ZNF407: variants seen among roughly 807,000 people sequenced by gnomAD.
The protein encoded by ZNF407 is zinc finger protein 407.
ZNF407 carries 17 observed loss-of-function variants against 131.2 expected under a neutral mutation model. The ratio of observed to expected loss-of-function variants is 0.13; its 90% CI spans 0.09 to 0.19. The LOEUF is 0.19. Ranked by LOEUF, ZNF407 falls within the 10% of genes least tolerant of loss-of-function variation. The pLI is 1.00. For missense variants in ZNF407, 2,681 were observed against 2,830.6 expected, an observed-to-expected ratio of 0.95 and a Z score of 1.20; for synonymous variants, 1,156 against 1,062.0, an observed-to-expected ratio of 1.09 and a Z score of -1.72.
chr18:74,602,007 G>C (rs1024744894), intron 1 of ZNF407, among the ~76,000 whole-genome samples: 1 of 152,130 alleles, frequency 6.6e-6, no homozygotes, highest in East Asian at 1.9e-4. Context: ...CACTAGTGAG[G>C]GATCCACATC....
chr18:74,755,776 TCTCTC>T (rs1568199918), intron 3 of ZNF407, among the ~76,000 whole-genome samples: 118 of 142,320 alleles, frequency 8.3e-4, no homozygotes, highest in Middle Eastern at 3.5e-3. Flanking sequence ...TTTCTTTCTC[TCTCTC>T]TCTTTCCTTC....
chr18:74,653,736 A>G (rs570794359), intron 3 of ZNF407, among the ~76,000 whole-genome samples: 1 of 151,986 alleles, frequency 6.6e-6, no homozygotes, highest in Admixed American at 6.5e-5. Flanking sequence ...ATGCTTATAC[A>G]TTATTTAAAG....
chr18:74,670,213 A>G (rs1202027523), intron 3 of ZNF407, among the ~76,000 whole-genome samples: 1 of 152,244 alleles, frequency 6.6e-6, no homozygotes, highest in Non-Finnish European at 1.5e-5. Flanking sequence ...CAAAGATTCT[A>G]GGATTCTGTG....
chr18:74,886,420 G>GATGAGGAAATCT (rs71170329), intron 6 of ZNF407, among the ~76,000 whole-genome samples: 1 of 152,084 alleles, frequency 6.6e-6, no homozygotes, highest in Non-Finnish European at 1.5e-5. Context: ...TTACCCAAGG[G>GATGAGGAAATCT]ATGTTCATAT....
At chr18:74,747,891 G>A (rs921586775) in intron 3 of ZNF407, among the ~76,000 whole-genome samples, 1 of 152,026 alleles carries the variant, frequency 6.6e-6, no homozygotes, top group Admixed American at 6.6e-5. Flanking sequence ...TTATATACAC[G>A]TATGTTTTTG....
intron 5 of ZNF407, among the ~76,000 whole-genome samples, chr18:74,877,767 G>A (rs1458280945): frequency 2.0e-5 from 3 of 152,116 alleles, no homozygotes; most frequent in Non-Finnish European, 2.9e-5. Context: ...TCCATAGTAT[G>A]TTTGAACATT....
chr18:74,733,939 C>CT (rs926471314), intron 3 of ZNF407, among the ~76,000 whole-genome samples: 25 of 151,428 alleles, frequency 1.7e-4, no homozygotes, highest in African/African-American at 4.6e-4. Flanking sequence ...TCCCTGGCAT[C>CT]TTTTTTTTTC....
At chr18:75,044,115 G>A (rs931394481) in intron 8 of ZNF407, among the ~76,000 whole-genome samples, 4 of 152,108 alleles carry the variant, frequency 2.6e-5, no homozygotes, top group African/African-American at 9.7e-5. Context: ...CTCTGGAAGT[G>A]AGAGCAGTTG....
At chr18:74,666,050 A>G (rs1985916823) in intron 3 of ZNF407, among the ~76,000 whole-genome samples, 3 of 152,192 alleles carry the variant, frequency 2.0e-5, no homozygotes, top group African/African-American at 7.2e-5. Flanking sequence ...AATGGAAGCC[A>G]GCTCAGACAA....
chr18:74,826,503 GTCTT>G (rs1434483601), intron 4 of ZNF407, among the ~76,000 whole-genome samples: 1 of 152,146 alleles, frequency 6.6e-6, no homozygotes, highest in African/African-American at 2.4e-5. Context: ...TTAAGGGACT[GTCTT>G]TATTCTCTCC....
At chr18:74,832,172 G>C (rs1036352198) in intron 4 of ZNF407, among the ~76,000 whole-genome samples, 4 of 152,194 alleles carry the variant, frequency 2.6e-5, no homozygotes, top group Admixed American at 2.0e-4. Flanking sequence ...CACAGACGAA[G>C]ATGTTGAGGC....
At chr18:75,002,659 A>T (rs9965059) in intron 8 of ZNF407, among the ~76,000 whole-genome samples, 1 of 151,736 alleles carries the variant, frequency 6.6e-6, no homozygotes, top group African/African-American at 2.4e-5. Flanking sequence ...AAAAAAATTA[A>T]CCGGGCGTGG....
At chr18:74,811,396 A>G (rs1488669843) in intron 4 of ZNF407, among the ~76,000 whole-genome samples, 1 of 152,134 alleles carries the variant, frequency 6.6e-6, no homozygotes, top group African/African-American at 2.4e-5. Flanking sequence ...GAGGATGTGG[A>G]GAAATAGGAA....
At chr18:74,828,855 A>T (rs780843542) in intron 4 of ZNF407, among the ~76,000 whole-genome samples, 1 of 152,148 alleles carries the variant, frequency 6.6e-6, no homozygotes, top group Non-Finnish European at 1.5e-5. Flanking sequence ...TTGTTGCCTT[A>T]TTGGATTATG....
At chr18:74,901,742 A>G (rs1279908443) in intron 7 of ZNF407, among the ~76,000 whole-genome samples, 1 of 152,214 alleles carries the variant, frequency 6.6e-6, no homozygotes, top group African/African-American at 2.4e-5. Flanking sequence ...TATTAATGCA[A>G]TGATTATGCA....
intron 3 of ZNF407, among the ~76,000 whole-genome samples, chr18:74,724,067 T>G (rs577784232): frequency 1.3e-5 from 2 of 152,272 alleles, no homozygotes; most frequent in African/African-American, 4.8e-5. Flanking sequence ...TGTGAGAAAC[T>G]GGGAGAAGCT....
intron 8 of ZNF407, among the ~76,000 whole-genome samples, chr18:75,012,563 A>C (rs1025337203): frequency 6.6e-6 from 1 of 152,104 alleles, no homozygotes; most frequent in Non-Finnish European, 1.5e-5. Context: ...TTTTTTCCAA[A>C]TTATTGAAAA....
At chr18:74,605,667 T>C (rs901205823) in intron 1 of ZNF407, among the ~76,000 whole-genome samples, 1 of 152,246 alleles carries the variant, frequency 6.6e-6, no homozygotes, top group Admixed American at 6.5e-5. Context: ...AATTATATTC[T>C]ATATACATGT....
At chr18:74,790,067 A>G (rs1290925092) in intron 4 of ZNF407, among the ~76,000 whole-genome samples, 1 of 152,178 alleles carries the variant, frequency 6.6e-6, no homozygotes, top group Admixed American at 6.5e-5. Context: ...ACATTAGAGA[A>G]TAAAAGGTAA....
Sources: allele counts gnomAD v4.1 joint callset (sites outside exome capture counted in the v4.1 genomes callset), GRCh38; gene constraint gnomAD v4.1.1; transcripts MANE v1.5; gene names NCBI Gene and HGNC (gene_info 2026-07-23, HGNC 2026-07-21).